Variants in RAB40A observed in about 807,000 individuals in gnomAD.
RAB40A encodes the protein RAB40A, member RAS oncogene family.
For synonymous variants in RAB40A, 65 were observed against 99.9 expected, an observed-to-expected ratio of 0.65 and a Z score of 2.08; for missense variants, 145 against 230.2, an observed-to-expected ratio of 0.63 and a Z score of 2.40.
At position 103,511,512 on chromosome X, in the gene RAB40A, G is replaced by GAA. The variant is rs745838915; in HGVS notation, c.-71+5860_-71+5861dup. 1.4e-4 allele frequency among the ~76,000 whole-genome samples: 13 copies of GAA among 90,623 alleles called. 1 individual carries two copies. The highest frequency in any genetic ancestry group is 5.0e-4 in the African/African-American group (13 of 25,997). 78.7% of individuals were successfully genotyped at this position (90,623 alleles called of 115,157 possible). A position where few individuals can be genotyped will look rare whatever the true frequency, so the allele number is the denominator to read the frequency against. The stretch of plus-strand genomic sequence containing the variant: ...AGCGAGACTCCGTCTCAAAAAAAAA[G>GAA]AAAAAAAAAAAAGGATGAGTTCATG... On this transcript the variant is annotated intron_variant, in intron 2 of 2. Coordinates refer to ENST00000304236, the MANE Select transcript of RAB40A (RefSeq NM_080879.3).
chrX:103,503,467 C>T, intron 2 of RAB40A: 1 of 751,663 alleles, frequency 1.3e-6, no homozygotes, highest in South Asian at 6.8e-5. Flanking sequence ...CAGTGAATGC[C>T]ATGTAGATTT....
At chrX:103,503,042 C>T (rs2073236988) in intron 2 of RAB40A, 2 of 750,363 alleles carry the variant, frequency 2.7e-6, no homozygotes, top group Admixed American at 8.8e-5. Context: ...TCTGATATGC[C>T]TTGAGTTCAA....
intron 2 of RAB40A, among the ~76,000 whole-genome samples, chrX:103,512,641 T>C (rs916019938): frequency 1.8e-5 from 2 of 112,231 alleles, no homozygotes; most frequent in African/African-American, 6.5e-5. Flanking sequence ...TCTACTGCCA[T>C]TTTTTATTAT....
chrX:103,509,784 T>C (rs1392794961), intron 2 of RAB40A, among the ~76,000 whole-genome samples: 4 of 104,232 alleles, frequency 3.8e-5, no homozygotes, highest in Non-Finnish European at 5.8e-5. Flanking sequence ...TTTTTTTGTA[T>C]AAATGTATTA....
intron 1 of RAB40A, 57 bp downstream of exon 1, chrX:103,519,304 ATTAGTTATT>A (rs2073331000): frequency 8.9e-6 from 1 of 111,897 alleles, no homozygotes; most frequent in Admixed American, 9.5e-5. Flanking sequence ...CGTCATCTAC[ATTAGTTATT>A]TCTCCTAATG....
chrX:103,503,119 T>G, intron 2 of RAB40A: 1 of 753,718 alleles, frequency 1.3e-6, no homozygotes, highest in Non-Finnish European at 1.6e-6. Context: ...CTGTTGAACA[T>G]CATGCCTCTG....
intron 2 of RAB40A, among the ~76,000 whole-genome samples, chrX:103,516,555 G>A (rs2073317653): frequency 9.0e-6 from 1 of 111,024 alleles, no homozygotes; most frequent in South Asian, 3.8e-4. Flanking sequence ...CTTACAATGA[G>A]TTTATCAGGA....
At chrX:103,510,763 A>C (rs2073284716) in intron 2 of RAB40A, among the ~76,000 whole-genome samples, 1 of 112,528 alleles carries the variant, frequency 8.9e-6, no homozygotes, top group South Asian at 3.7e-4. Flanking sequence ...CAAAATAATA[A>C]AATGGTGGTG....
rs1300749288 is a variant in RAB40A at position 103,500,791 on chromosome X, C to T, written c.-35G>A. Reference sequence around the variant, plus strand: ...CCCGCACTCCCGCCTGAGCCAGGCCCGCGGGGTTGTGCGCAGAGGTGGTGC... The same window carrying T: ...CCCGCACTCCCGCCTGAGCCAGGCCTGCGGGGTTGTGCGCAGAGGTGGTGC... On this transcript the variant is annotated 5_prime_UTR_variant, in exon 3 of 3. Coordinates refer to ENST00000304236, the MANE Select transcript of RAB40A (RefSeq NM_080879.3). The T allele has an allele frequency of 6.7e-6, 8 of 1,190,266 alleles. No individual in the cohort carries two copies. The highest frequency in any genetic ancestry group is 2.3e-5 in the Admixed American group (1 of 43,776).
intron 2 of RAB40A, among the ~76,000 whole-genome samples, chrX:103,504,078 G>T (rs186233366): frequency 1.8e-5 from 2 of 111,473 alleles, no homozygotes; most frequent in East Asian, 5.6e-4. Flanking sequence ...ATTAACACAG[G>T]AACAAAAAAC....
Position 103,500,782 on chromosome X carries a change from A to G in RAB40A, c.-26T>C, listed in dbSNP as rs2073222838. ...GGTGCTGGCCCCGCACTCCCGCCTG[A>G]GCCAGGCCCGCGGGGTTGTGCGCAG... On this transcript the variant is annotated 5_prime_UTR_variant, in exon 3 of 3. Transcript: ENST00000304236. 4.2e-6 allele frequency: 5 copies of G among 1,197,681 alleles called. No individual in the cohort carries two copies. Among genetic ancestry groups the G allele is most frequent in the Non-Finnish European group, 5.6e-6 (5 of 889,009 alleles).
At chrX:103,502,622 G>C (rs148928847) in intron 2 of RAB40A, 4 of 555,958 alleles carry the variant, frequency 7.2e-6, no homozygotes, top group African/African-American at 2.6e-5. Flanking sequence ...GTGGAGTGGG[G>C]GACCCATGGG....
intron 2 of RAB40A, among the ~76,000 whole-genome samples, chrX:103,509,289 A>ATCTCTCTCTCTCTCTCTC (rs373450734): frequency 8.1e-5 from 7 of 86,111 alleles, no homozygotes; most frequent in African/African-American, 3.0e-4. Flanking sequence ...CAGCCACAGG[A>ATCTCTCTCTCTCTCTCTC]TCTCTCTCTC....
chrX:103,502,233 T>C (rs2073232034), intron 2 of RAB40A: 1 of 114,979 alleles, frequency 8.7e-6, no homozygotes, highest in Non-Finnish European at 1.9e-5. Context: ...CTCTGTGGGC[T>C]TCAGGGCAAA....
At chrX:103,505,669 C>T (rs1379570993) in intron 2 of RAB40A, among the ~76,000 whole-genome samples, 4 of 111,288 alleles carry the variant, frequency 3.6e-5, no homozygotes, top group African/African-American at 1.3e-4. Context: ...TCCTTGTTTC[C>T]AAAAAATTGA....
downstream of RAB40A, among the ~76,000 whole-genome samples, chrX:103,494,619 G>A (rs2073153580): frequency 9.0e-6 from 1 of 111,640 alleles, no homozygotes; most frequent in Non-Finnish European, 1.9e-5. Flanking sequence ...AGAAATAGAG[G>A]GTCTATTTTC....
chrX:103,494,884 A>G (rs1052893849), downstream of RAB40A, among the ~76,000 whole-genome samples: 1 of 111,506 alleles, frequency 9.0e-6, no homozygotes, highest in African/African-American at 3.3e-5. Flanking sequence ...TGCTCAAGAT[A>G]GCTTTGGGAA....
intron 2 of RAB40A, among the ~76,000 whole-genome samples, chrX:103,506,760 T>C: frequency 9.1e-6 from 1 of 110,491 alleles, no homozygotes; most frequent in Admixed American, 9.6e-5. Flanking sequence ...GATGTGCCCC[T>C]GTAGGTGAGG....
chrX:103,518,485 G>C (rs1171653120), intron 1 of RAB40A, among the ~76,000 whole-genome samples: 1 of 110,475 alleles, frequency 9.1e-6, no homozygotes, highest in African/African-American at 3.3e-5. Context: ...ACTGAGTTTA[G>C]GTCTGTGTAG....
Sources: allele counts gnomAD v4.1 joint callset (sites outside exome capture counted in the v4.1 genomes callset), GRCh38; gene constraint gnomAD v4.1.1; transcripts MANE v1.5; gene names NCBI Gene and HGNC (gene_info 2026-07-23, HGNC 2026-07-21).